The following NEXN variants were observed in gnomAD, a reference collection of about 807,000 sequenced individuals.
NEXN encodes nexilin F-actin binding protein.
In NEXN, 65 loss-of-function variants were observed where a neutral mutation model predicts 92.6. The observed-to-expected ratio is 0.70, with a 90% CI of 0.57 to 0.86. NEXN has a LOEUF of 0.86. NEXN is among the 40% of genes least tolerant of loss of function. NEXN has a pLI of 0.00. For synonymous variants in NEXN, 254 were observed against 242.5 expected, an observed-to-expected ratio of 1.05 and a Z score of -0.44; for missense variants, 778 against 771.1, an observed-to-expected ratio of 1.01 and a Z score of -0.11.
intron 1 of NEXN, among the ~76,000 whole-genome samples, chr1:77,891,747 T>TA (rs373772489): frequency 0.032 from 4,065 of 128,854 alleles, 126 homozygotes; most frequent in Admixed American, 0.12. Flanking sequence ...GGAAAAAAAG[T>TA]AAAAAAAAAA....
chr1:77,923,003 C>CTTT (rs753111389), intron 5 of NEXN, among the ~76,000 whole-genome samples: 181 of 112,328 alleles, frequency 1.6e-3, no homozygotes, highest in Non-Finnish European at 2.2e-3. Flanking sequence ...AATTGGGTGT[C>CTTT]TTTTTTTTTT....
At chr1:77,892,125 T>A (rs1647123219) in intron 1 of NEXN, among the ~76,000 whole-genome samples, 1 of 151,564 alleles carries the variant, frequency 6.6e-6, no homozygotes, top group Admixed American at 6.6e-5. Context: ...TACTTAAAAA[T>A]TGGTACATTT....
chr1:77,890,409 T>C (rs918479207), intron 1 of NEXN, among the ~76,000 whole-genome samples: 1 of 152,190 alleles, frequency 6.6e-6, no homozygotes, highest in East Asian at 1.9e-4. Flanking sequence ...ATGTAATGAA[T>C]AGCAATTGTT....
At chr1:77,896,250 A>T (rs750505667) in intron 1 of NEXN, among the ~76,000 whole-genome samples, 23 of 152,132 alleles carry the variant, frequency 1.5e-4, no homozygotes, top group Non-Finnish European at 3.2e-4. Flanking sequence ...TTCTGACTTA[A>T]ACATGCCTTT....
chr1:77,943,383 A>G lies in NEXN; in HGVS notation c.*554A>G, dbSNP rs1443729823. 6.0e-6 allele frequency: 1 copy of G among 165,442 alleles called. No individual in the cohort carries two copies. The highest frequency in any genetic ancestry group is 1.3e-5 in the Non-Finnish European group (1 of 76,430). The allele number at this position is 165,442 out of a possible 1,614,324, so 10.2% of individuals were successfully genotyped here. A position where few individuals can be genotyped will look rare whatever the true frequency, so the allele number is the denominator to read the frequency against. ...AATTTGAGTGGACTTTTTCTTTAGTAGTACACCATTTTGGTTGTTGTAGTT... is the reference window on the plus strand; with the variant it reads ...AATTTGAGTGGACTTTTTCTTTAGTGGTACACCATTTTGGTTGTTGTAGTT... On this transcript the variant is annotated 3_prime_UTR_variant, in exon 13 of 13. Coordinates refer to ENST00000334785, the MANE Select transcript of NEXN (RefSeq NM_144573.4).
intron 6 of NEXN, 95 bp from the exon 7 acceptor site, chr1:77,926,319 C>A: frequency 1.3e-6 from 1 of 759,242 alleles, no homozygotes. Context: ...ACATTGATGA[C>A]AGTGTAATGA....
At chr1:77,935,171 G>T (rs1460862043) in intron 10 of NEXN, among the ~76,000 whole-genome samples, 2 of 152,130 alleles carry the variant, frequency 1.3e-5, no homozygotes, top group African/African-American at 4.8e-5. Flanking sequence ...CCAAGTAGCT[G>T]GGATTACAGG....
At chr1:77,940,436 G>A (rs1188028429) in intron 11 of NEXN, among the ~76,000 whole-genome samples, 1 of 152,132 alleles carries the variant, frequency 6.6e-6, no homozygotes, top group East Asian at 1.9e-4. Flanking sequence ...AGGAGCTCAA[G>A]AAAAGTTGAC....
rs1208277369 is a variant in NEXN, at chr1:77,916,117, T to C, written c.11T>C (p.Ile4Thr). Residue 4 changes from isoleucine to threonine, a missense_variant, in exon 2 of 13, where the codon ATT (isoleucine) becomes ACT (threonine). Physicochemically the swap from Ile to Thr is moderately conservative, Grantham distance 89. Transcript: ENST00000334785. MND[I>T]SQKAEILLSS... ...CCACATAGAGCAAACATGAATGATA[T>C]TTCCCAAAAGGCTGAGGTAAGTCTC... 9 of 1,607,376 alleles carry C rather than the reference T, an allele frequency of 5.6e-6. No homozygotes were observed. The highest frequency in any genetic ancestry group is 1.1e-5 in the South Asian group (1 of 90,500).
At chr1:77,922,418 C>T (rs752179470) in intron 5 of NEXN, among the ~76,000 whole-genome samples, 1 of 150,688 alleles carries the variant, frequency 6.6e-6, no homozygotes, top group Non-Finnish European at 1.5e-5. Flanking sequence ...CGTGAGCCAC[C>T]GCGCCTGGCC....
chr1:77,939,333 G>GA (rs1329240084), intron 11 of NEXN, among the ~76,000 whole-genome samples: 1 of 152,208 alleles, frequency 6.6e-6, no homozygotes, highest in South Asian at 2.1e-4. Context: ...GAACTAAGGT[G>GA]AGAGGCAAGC....
intron 1 of NEXN, among the ~76,000 whole-genome samples, chr1:77,907,659 T>C (rs887413501): frequency 6.6e-6 from 1 of 152,222 alleles, no homozygotes; most frequent in Non-Finnish European, 1.5e-5. Context: ...TTATTCATAG[T>C]AAATTTTTAA....
intron 1 of NEXN, among the ~76,000 whole-genome samples, chr1:77,908,648 C>T (rs928436063): frequency 3.3e-5 from 5 of 152,094 alleles, no homozygotes; most frequent in Non-Finnish European, 4.4e-5. Flanking sequence ...GATCTGCCCG[C>T]CTCAACCTCC....
chr1:77,906,464 G>C (rs1019927868), intron 1 of NEXN, among the ~76,000 whole-genome samples: 3 of 152,068 alleles, frequency 2.0e-5, no homozygotes, highest in African/African-American at 7.2e-5. Flanking sequence ...TTATCATTAG[G>C]ATATAATTAA....
At chr1:77,903,300 A>T (rs1268466140) in intron 1 of NEXN, among the ~76,000 whole-genome samples, 6 of 151,562 alleles carry the variant, frequency 4.0e-5, no homozygotes, top group Admixed American at 2.6e-4. Context: ...TATTTTTTTT[A>T]CCAATAATGT....
intron 1 of NEXN, among the ~76,000 whole-genome samples, chr1:77,905,532 A>G (rs750395904): frequency 3.9e-5 from 6 of 151,900 alleles, no homozygotes; most frequent in Non-Finnish European, 7.4e-5. Context: ...CTCGACAAAA[A>G]AATTCAAAAC....
At chr1:77,914,489 A>AT (rs1443376176) in intron 1 of NEXN, among the ~76,000 whole-genome samples, 1 of 152,186 alleles carries the variant, frequency 6.6e-6, no homozygotes, top group Non-Finnish European at 1.5e-5. Flanking sequence ...TAAAATAAAT[A>AT]TTTAAATGAT....
chr1:77,932,810 CTG>C (rs1650412285), intron 9 of NEXN, among the ~76,000 whole-genome samples: 1 of 152,320 alleles, frequency 6.6e-6, no homozygotes, highest in African/African-American at 2.4e-5. Context: ...TTTTTGAACA[CTG>C]TGTTGAGACT....
intron 5 of NEXN, among the ~76,000 whole-genome samples, chr1:77,924,883 C>T: frequency 6.6e-6 from 1 of 152,124 alleles, no homozygotes; most frequent in Non-Finnish European, 1.5e-5. Flanking sequence ...TGGTCTTGAA[C>T]TCCTGGGCTC....
Sources: gnomAD v4.1 joint callset for allele counts (sites outside exome capture counted in the v4.1 genomes callset) on GRCh38, gnomAD v4.1.1 for gene constraint, MANE v1.5 for transcripts, NCBI Gene and HGNC (gene_info 2026-07-23, HGNC 2026-07-21) for gene names.